The following FH variants were observed in gnomAD, a reference collection of about 807,000 sequenced individuals.
The protein encoded by FH is fumarate hydratase, mitochondrial.
FH carries 22 observed loss-of-function variants against 49.4 expected under a neutral mutation model. The ratio of observed to expected loss-of-function variants is 0.45; its 90% CI spans 0.32 to 0.64. The LOEUF (loss-of-function observed/expected upper bound fraction) is 0.64. Ranked by LOEUF, FH falls within the 30% of genes least tolerant of loss-of-function variation. The probability of loss-of-function intolerance (pLI) is 0.05; values close to 1 mark genes in which losing one functional copy is unlikely to be tolerated. For missense variants in FH, 526 were observed against 641.5 expected (o/e 0.82, Z 1.95); for synonymous variants, 208 against 223.0 (o/e 0.93, Z 0.60).
intron 8 of FH, among the ~76,000 whole-genome samples, chr1:241,502,218 T>G (rs554187124): frequency 1.7e-4 from 26 of 152,278 alleles, no homozygotes; most frequent in Admixed American, 1.2e-3. Flanking sequence ...GCATTTTATT[T>G]TTCTTAAACG....
At position 241,497,671 on chromosome 1, in the gene FH, C is replaced by A; in HGVS notation, c.*157G>T. 1 of 627,722 alleles carries A rather than the reference C, an allele frequency of 1.6e-6. No individual in the cohort carries two copies. Among genetic ancestry groups the A allele is most frequent in the South Asian group, 2.1e-5 (1 of 48,266 alleles). 38.9% of individuals were successfully genotyped at this position (627,722 alleles called of 1,614,324 possible). A position where few individuals can be genotyped will look rare whatever the true frequency, so the allele number is the denominator to read the frequency against. ...TATACTTGTTTAATCCATCTTAGAC[C>A]TAGCACATCCTAGGGTTTTATATAC... On this transcript the variant is annotated 3_prime_UTR_variant, in exon 10 of 10. Coordinates refer to ENST00000366560, the MANE Select transcript of FH (RefSeq NM_000143.4).
chr1:241,497,998 T>A, intron 9 of FH, 28 bp from the exon 10 acceptor site: 1 of 1,613,292 alleles, frequency 6.2e-7, no homozygotes, highest in Non-Finnish European at 8.5e-7. Flanking sequence ...AGACGACATA[T>A]GGGTTAGCAG....
chr1:241,503,989 T>A (rs1659847170), intron 7 of FH, 53 bp downstream of exon 7: 1 of 1,521,100 alleles, frequency 6.6e-7, no homozygotes, highest in Non-Finnish European at 9.0e-7. Context: ...TAGCTAAGAA[T>A]GCCTAGGACC....
chr1:241,498,933 G>A (rs1019528004), intron 9 of FH, among the ~76,000 whole-genome samples: 6 of 151,250 alleles, frequency 4.0e-5, no homozygotes, highest in Non-Finnish European at 8.8e-5. Flanking sequence ...TTACTTAACT[G>A]AATTTGTGAA....
At position 241,500,602 on chromosome 1, in the gene FH, T is replaced by TGAGAGTGAGA. The variant is rs1553340726; in HGVS notation, c.1237-13_1237-12insTCTCACTCTC. 25 of 1,490,608 alleles carry TGAGAGTGAGA rather than the reference T, an allele frequency of 1.7e-5. No individual in the cohort carries two copies. In the South Asian group the frequency reaches 2.1e-4, roughly 13 times the overall value. The allele number at this position is 1,490,608 out of a possible 1,614,324, so 92.3% of individuals were successfully genotyped here. The stretch of plus-strand genomic sequence containing the variant: ...AACACATTTTTAATCTTTGAGTGAG[T>TGAGAGTGAGA]GAGAGAGAGAGAGAGAGAGAGAGAG... On this transcript the variant is annotated splice_polypyrimidine_tract_variant and intron_variant, in intron 8 of 9. Coordinates refer to ENST00000366560, the MANE Select transcript of FH (RefSeq NM_000143.4).
chr1:241,513,774 ATTTT>A, intron 2 of FH, 61 bp from the exon 3 acceptor site: 1 of 1,332,108 alleles, frequency 7.5e-7, no homozygotes, highest in South Asian at 1.2e-5. Context: ...GAAGTTTATT[ATTTT>A]GGCAGATGCA....
intron 1 of FH, among the ~76,000 whole-genome samples, chr1:241,518,389 T>A (rs1660275792): frequency 6.6e-6 from 1 of 152,194 alleles, no homozygotes; most frequent in African/African-American, 2.4e-5. Flanking sequence ...AAACAATAAA[T>A]AAATTTAAAA....
At chr1:241,502,648 C>A (rs1474022668) in intron 7 of FH, 78 bp from the exon 8 acceptor site, 1 of 1,494,830 alleles carries the variant, frequency 6.7e-7, no homozygotes, top group East Asian at 2.3e-5. Context: ...TCTAATTTCA[C>A]TAAATAGAGT....
At chr1:241,517,688 T>A (rs1660257329) in intron 1 of FH, among the ~76,000 whole-genome samples, 1 of 152,134 alleles carries the variant, frequency 6.6e-6, no homozygotes, top group South Asian at 2.1e-4. Flanking sequence ...TTGAAAACGG[T>A]CTAAGAATGA....
chr1:241,508,819 T>C, intron 4 of FH, 34 bp from the exon 5 acceptor site: 1 of 1,589,250 alleles, frequency 6.3e-7, no homozygotes, highest in Non-Finnish European at 8.6e-7. Flanking sequence ...ATATAAAATG[T>C]TAAATCAGAG....
Position 241,517,312 on chromosome 1 carries a change from C to T in FH, c.137G>A (p.Ser46Asn). The stretch of plus-strand genomic sequence containing the variant: ...ATATTCTATCCGGAAGGAATTTTGG[C>T]TTGCCTAAAGACAAGAATACAACAC... ...FWPPNAARMA[S>N]QNSFRIEYDT... The change falls in exon 2 of 10, where the codon AGC becomes AAC. Residue 46 changes from serine to asparagine, a missense_variant. Physicochemically the swap from Ser to Asn is conservative, Grantham distance 46 (BLOSUM62 1). Coordinates refer to ENST00000366560, the MANE Select transcript of FH (RefSeq NM_000143.4). 3 of 1,613,990 alleles carry T rather than the reference C, an allele frequency of 1.9e-6. No homozygotes were observed. Among genetic ancestry groups the T allele is most frequent in the Non-Finnish European group, 8.5e-7 (1 of 1,180,014 alleles).
Position 241,519,724 on chromosome 1 carries a change from G to A in FH, c.-2C>T, listed in dbSNP as rs1246116864. 2.3e-5 allele frequency: 36 copies of A among 1,534,320 alleles called. No individual in the cohort carries two copies. The highest frequency in any genetic ancestry group is 3.0e-5 in the Non-Finnish European group (34 of 1,137,146). On this transcript the variant is annotated 5_prime_UTR_variant, in exon 1 of 10. Coordinates refer to ENST00000366560, the MANE Select transcript of FH (RefSeq NM_000143.4). ...GAGGAGCCGAAGTGCTCGGTACATG[G>A]TGCTGAGGGAGCTTGGGTAGAATTT...
At chr1:241,498,694 C>CATTATATAT (rs1659685963) in intron 9 of FH, among the ~76,000 whole-genome samples, 1 of 53,166 alleles carries the variant, frequency 1.9e-5, no homozygotes, top group African/African-American at 7.3e-5. Context: ...GCTGTCTTAA[C>CATTATATAT]ATATATATAT....
rs547132767 is a variant in FH, at chr1:241,510,720, T to C, written c.555+1247A>G. ...GGTAGCGCGCTATTAATTACTACAG[T>C]GATTTTAATGTAAGCCCAAAAACTT... On this transcript the variant is annotated intron_variant, in intron 4 of 9. Transcript: ENST00000366560. 1.7e-4 allele frequency among the ~76,000 whole-genome samples: 26 copies of C among 152,268 alleles called. No individual in the cohort carries two copies. The South Asian group carries it at 5.4e-3, about 31-fold the overall frequency.
In FH at chr1:241,519,505, C is replaced by G. The variant is rs1009883779; in HGVS notation, c.132+86G>C. On this transcript the variant is annotated intron_variant, in intron 1 of 9. Transcript: ENST00000366560. ...CGGCCCGGACGCCCGGGGAATCTCT[C>G]CCGCCAAGTCGCGGGCGCCCAGGCC... 4.8e-6 allele frequency: 7 copies of G among 1,471,172 alleles called. No homozygotes were observed. In the African/African-American group the frequency reaches 1.0e-4, roughly 21 times the overall value. 91.1% of individuals were successfully genotyped at this position (1,471,172 alleles called of 1,614,324 possible). A position where few individuals can be genotyped will look rare whatever the true frequency, so the allele number is the denominator to read the frequency against.
rs370392829 is a variant in FH, at chr1:241,517,242, G to C, written c.207C>G (p.Gly69=). ...ELKVPNDKYY[G]AQTVRSTMNF... ...TCATCGTAGATCTCACGGTCTGGGCGCCATAATACTTATCATTTGGCACCT... is the reference window on the plus strand; with the variant it reads ...TCATCGTAGATCTCACGGTCTGGGCCCCATAATACTTATCATTTGGCACCT... The change falls in exon 2 of 10, where the codon GGC becomes GGG. Residue 69 remains glycine (G), a synonymous_variant. Coordinates refer to ENST00000366560, the MANE Select transcript of FH (RefSeq NM_000143.4). 1 of 1,614,028 alleles carries C rather than the reference G, an allele frequency of 6.2e-7. No individual in the cohort carries two copies. Among genetic ancestry groups the C allele is most frequent in the Non-Finnish European group, 8.5e-7 (1 of 1,180,018 alleles).
At chr1:241,502,384 C>T (rs1659802405) in intron 8 of FH, 59 bp downstream of exon 8, 4 of 1,605,132 alleles carry the variant, frequency 2.5e-6, no homozygotes, top group Non-Finnish European at 2.6e-6. Flanking sequence ...TTATGAAATA[C>T]AAAACCAAGA....
In FH at chr1:241,500,461, C is replaced by T; in HGVS notation, c.1366G>A (p.Val456Met). The T allele has an allele frequency of 6.2e-7, 1 of 1,614,014 alleles. No homozygotes were observed. Among genetic ancestry groups the T allele is most frequent in the Non-Finnish European group, 8.5e-7 (1 of 1,179,960 alleles). ...NKLMNESLML[V>M]TALNPHIGYD... ...CCTATATGAGGATTGAGAGCTGTCACCAACATTAGAGACTCATTCATCAGC... is the reference window on the plus strand; with the variant it reads ...CCTATATGAGGATTGAGAGCTGTCATCAACATTAGAGACTCATTCATCAGC... The change falls in exon 9 of 10, where the codon GTG (valine) becomes ATG (methionine). Residue 456 changes from valine to methionine, a missense_variant. By Grantham distance (21) the Val-to-Met change is conservative. Coordinates refer to ENST00000366560, the MANE Select transcript of FH (RefSeq NM_000143.4).
chr1:241,515,099 A>G (rs975781784), intron 2 of FH, among the ~76,000 whole-genome samples: 1 of 152,226 alleles, frequency 6.6e-6, no homozygotes, highest in African/African-American at 2.4e-5. Flanking sequence ...TATTCACATT[A>G]GATGTTCATA....
Sources: gnomAD v4.1 joint callset for allele counts (sites outside exome capture counted in the v4.1 genomes callset) on GRCh38, gnomAD v4.1.1 for gene constraint, MANE v1.5 for transcripts, NCBI Gene and HGNC (gene_info 2026-07-23, HGNC 2026-07-21) for gene names.